SMYD3: variants seen among roughly 807,000 people sequenced by gnomAD.
SMYD3 encodes histone-lysine N-methyltransferase SMYD3.
A neutral mutation model predicts 57.7 loss-of-function variants in SMYD3; 36 were observed. That is an observed-to-expected ratio of 0.62 (90% CI 0.48 to 0.82). SMYD3 has a LOEUF of 0.82. SMYD3 is among the 40% of genes least tolerant of loss of function. SMYD3 has a pLI of 0.00. For missense variants in SMYD3, 515 were observed against 538.8 expected, an observed-to-expected ratio of 0.96 and a Z score of 0.44; for synonymous variants, 211 against 195.0, an observed-to-expected ratio of 1.08 and a Z score of -0.68.
intron 5 of SMYD3, among the ~76,000 whole-genome samples, chr1:246,236,867 A>C (rs2063519514): frequency 6.6e-6 from 1 of 152,148 alleles, no homozygotes; most frequent in African/African-American, 2.4e-5. Context: ...AAAGGTATCT[A>C]AATTCTGAAA....
intron 5 of SMYD3, among the ~76,000 whole-genome samples, chr1:246,295,310 A>C (rs2064772016): frequency 6.6e-6 from 1 of 152,188 alleles, no homozygotes; most frequent in Admixed American, 6.5e-5. Flanking sequence ...TCCTACCCAG[A>C]AAAGGGTCTA....
At chr1:246,239,920 A>C (rs1397834877) in intron 5 of SMYD3, among the ~76,000 whole-genome samples, 3 of 152,132 alleles carry the variant, frequency 2.0e-5, no homozygotes, top group Non-Finnish European at 4.4e-5. Flanking sequence ...ATCCTTTGCC[A>C]ACTTTTTGAT....
intron 1 of SMYD3, among the ~76,000 whole-genome samples, chr1:246,438,307 A>G (rs949674343): frequency 2.0e-5 from 3 of 152,266 alleles, no homozygotes; most frequent in Non-Finnish European, 2.9e-5. Context: ...TCTTATTTAT[A>G]TATTTCTTCC....
At chr1:246,295,824 C>T (rs1204677075) in intron 5 of SMYD3, among the ~76,000 whole-genome samples, 1 of 152,040 alleles carries the variant, frequency 6.6e-6, no homozygotes, top group East Asian at 1.9e-4. Flanking sequence ...AAAAATAAAT[C>T]GTTAAACAAT....
intron 5 of SMYD3, among the ~76,000 whole-genome samples, chr1:245,943,884 A>C (rs1309301072): frequency 6.6e-6 from 1 of 152,188 alleles, no homozygotes; most frequent in African/African-American, 2.4e-5. Flanking sequence ...AGTGACAAAA[A>C]CCACATGATT....
intron 7 of SMYD3, among the ~76,000 whole-genome samples, chr1:245,921,466 C>T (rs76209575): frequency 0.047 from 7,067 of 151,634 alleles, 307 homozygotes; most frequent in South Asian, 0.13. Flanking sequence ...CATGCACTCA[C>T]GTGTTCATCA....
intron 5 of SMYD3, among the ~76,000 whole-genome samples, chr1:246,065,356 T>C (rs1233310237): frequency 2.0e-5 from 3 of 152,214 alleles, no homozygotes; most frequent in Admixed American, 6.5e-5. Context: ...GTCAATGTGC[T>C]GCTGAAAAAC....
At chr1:246,395,786 A>AGACAGGGAAGAGGAACCCACCACGGCTG (rs1310393714) in intron 1 of SMYD3, among the ~76,000 whole-genome samples, 34 of 146,764 alleles carry the variant, frequency 2.3e-4, no homozygotes, top group African/African-American at 7.1e-4. Context: ...CACCATGGTC[A>AGACAGGGAAGAGGAACCCACCACGGCTG]GACAGGGAAG....
intron 3 of SMYD3, among the ~76,000 whole-genome samples, chr1:246,334,833 T>C (rs981782815): frequency 6.6e-6 from 1 of 152,106 alleles, no homozygotes; most frequent in Admixed American, 6.5e-5. Context: ...AGATGAGGAG[T>C]TGCTTCTTAT....
chr1:246,282,323 A>C (rs79557525), intron 5 of SMYD3, among the ~76,000 whole-genome samples: 74 of 93,360 alleles, frequency 7.9e-4, no homozygotes, highest in East Asian at 3.5e-3. Flanking sequence ...AAAAAAAAAA[A>C]AAAAAAAAAA....
intron 1 of SMYD3, among the ~76,000 whole-genome samples, chr1:246,445,955 T>A (rs989639458): frequency 3.9e-5 from 6 of 152,070 alleles, no homozygotes; most frequent in African/African-American, 1.4e-4. Flanking sequence ...GAAAACCATA[T>A]GAATGCATAA....
chr1:246,017,162 T>C (rs1383198666), intron 5 of SMYD3, among the ~76,000 whole-genome samples: 1 of 152,192 alleles, frequency 6.6e-6, no homozygotes, highest in Non-Finnish European at 1.5e-5. Flanking sequence ...TTAATTTTTA[T>C]TCTTTTTTTT....
intron 5 of SMYD3, among the ~76,000 whole-genome samples, chr1:246,227,784 A>C (rs2148439800): frequency 6.6e-6 from 1 of 152,214 alleles, no homozygotes; most frequent in African/African-American, 2.4e-5. Context: ...CAGCCACTCT[A>C]CCTTTATGCA....
Position 246,203,495 on chromosome 1 carries a change from T to C in SMYD3, c.531+123706A>G, listed in dbSNP as rs562005694. Reference sequence around the variant, plus strand: ...GTTCAAGATGAAAGTATCTATAGGTTTGGTTTCCTCCGAGCCCTCTCTGGC... The same window carrying C: ...GTTCAAGATGAAAGTATCTATAGGTCTGGTTTCCTCCGAGCCCTCTCTGGC... On this transcript the variant is annotated intron_variant, in intron 5 of 11. Transcript: ENST00000490107. This position sits in a 1 kb window ranked among gnomAD's most constrained non-coding sequence, Gnocchi z 4.6. Among the ~76,000 whole-genome samples, 1 of 152,204 alleles carries C rather than the reference T, an allele frequency of 6.6e-6. No homozygotes were observed. Among genetic ancestry groups the C allele is most frequent in the East Asian group, 1.9e-4 (1 of 5,198 alleles).
At chr1:245,897,623 G>A (rs559979856) in intron 8 of SMYD3, among the ~76,000 whole-genome samples, 3 of 152,222 alleles carry the variant, frequency 2.0e-5, no homozygotes, top group East Asian at 1.9e-4. Context: ...GGCTGGGCAC[G>A]GTGGTTCACA....
Position 246,335,294 on chromosome 1 carries a change from G to C in SMYD3, c.336+73C>G, listed in dbSNP as rs1572393788. ...AAACTGAACCTGCAACATCTCTGAG[G>C]TATACCGGAAAATGCAATTGCATAT... On this transcript the variant is annotated intron_variant, in intron 3 of 11. Coordinates refer to ENST00000490107, the MANE Select transcript of SMYD3 (RefSeq NM_001167740.2). The C allele has an allele frequency of 2.4e-6, 3 of 1,272,516 alleles. No homozygotes were observed. In the East Asian group the frequency reaches 7.0e-5, roughly 30 times the overall value. The allele number at this position is 1,272,516 out of a possible 1,614,324, so 78.8% of individuals were successfully genotyped here.
At chr1:246,372,282 C>T in intron 1 of SMYD3, among the ~76,000 whole-genome samples, 1 of 152,162 alleles carries the variant, frequency 6.6e-6, no homozygotes, top group East Asian at 1.9e-4. Context: ...GTTGTATGCC[C>T]AAGAGAAGGC....
intron 5 of SMYD3, among the ~76,000 whole-genome samples, chr1:246,065,634 C>G (rs2060327768): frequency 6.6e-6 from 1 of 152,120 alleles, no homozygotes; most frequent in African/African-American, 2.4e-5. Context: ...AGTTAATAAC[C>G]AGCCAGAAAA....
chr1:245,950,538 G>A (rs1038305912), intron 5 of SMYD3, among the ~76,000 whole-genome samples: 5 of 152,252 alleles, frequency 3.3e-5, no homozygotes, highest in African/African-American at 1.2e-4. Context: ...AGATTGGCTC[G>A]CTCTGGCCTT....
Sources: gnomAD v4.1 joint callset for allele counts (sites outside exome capture counted in the v4.1 genomes callset) on GRCh38, gnomAD v4.1.1 for gene constraint, Gnocchi (gnomAD v3.1) non-coding constraint, MANE v1.5 for transcripts, NCBI Gene and HGNC (gene_info 2026-07-23, HGNC 2026-07-21) for gene names.